The following ESR1 variants were observed in gnomAD, a reference collection of about 807,000 sequenced individuals.
ESR1 encodes the protein estrogen receptor 1.
Under a neutral mutation model 52.7 loss-of-function variants are expected in ESR1, and 12 were observed. The observed-to-expected ratio is 0.23, with a 90% CI of 0.15 to 0.37. The LOEUF (loss-of-function observed/expected upper bound fraction) is 0.37. ESR1 is among the 10% of genes least tolerant of loss of function. The pLI is 1.00. For synonymous variants in ESR1, 305 were observed against 316.8 expected, an observed-to-expected ratio of 0.96 and a Z score of 0.39; for missense variants, 584 against 779.7, an observed-to-expected ratio of 0.75 and a Z score of 2.99.
At chr6:151,947,755 G>A (rs991538063) in intron 4 of ESR1, among the ~76,000 whole-genome samples, 1 of 152,084 alleles carries the variant, frequency 6.6e-6, no homozygotes, top group Non-Finnish European at 1.5e-5. Context: ...AAGTACTTCT[G>A]GTAGACCTGG....
intron 1 of ESR1, among the ~76,000 whole-genome samples, chr6:151,834,699 T>TA (rs957892687): frequency 3.9e-4 from 58 of 147,758 alleles, no homozygotes; most frequent in South Asian, 8.7e-4. Context: ...AAAGTATAAT[T>TA]AAAAAAAAAA....
chr6:151,747,822 T>C (rs1653441406), intron 2 of ESR1, among the ~76,000 whole-genome samples: 1 of 152,208 alleles, frequency 6.6e-6, no homozygotes, highest in South Asian at 2.1e-4. Context: ...ACTTCATTCT[T>C]TTTATTGCCA....
chr6:151,719,019 A>G (rs1781259679), intron 2 of ESR1, among the ~76,000 whole-genome samples: 1 of 152,190 alleles, frequency 6.6e-6, no homozygotes, highest in Admixed American at 6.5e-5. Context: ...CGTCACGTCC[A>G]TGTCATCAGG....
chr6:151,665,723 C>T (rs1777799320), intron 1 of ESR1, among the ~76,000 whole-genome samples: 2 of 152,080 alleles, frequency 1.3e-5, no homozygotes, highest in Admixed American at 6.5e-5. Context: ...AGATGACTTA[C>T]ATACAATGTT....
intron 2 of ESR1, among the ~76,000 whole-genome samples, chr6:151,756,939 G>A (rs1437733774): frequency 1.3e-5 from 2 of 152,120 alleles, no homozygotes; most frequent in South Asian, 2.1e-4. Context: ...GCAGTGAGCC[G>A]GCATTGAGCC....
At chr6:151,678,027 T>G (rs1278407275) in intron 1 of ESR1, among the ~76,000 whole-genome samples, 1 of 152,194 alleles carries the variant, frequency 6.6e-6, no homozygotes, top group African/African-American at 2.4e-5. Context: ...CCTGAGCAAT[T>G]GGCTGTCATG....
intron 1 of ESR1, among the ~76,000 whole-genome samples, chr6:151,684,647 A>G (rs1460469830): frequency 1.3e-5 from 2 of 152,216 alleles, no homozygotes; most frequent in Non-Finnish European, 2.9e-5. Flanking sequence ...TCAGCCCAGG[A>G]ATAAAAATAG....
intron 2 of ESR1, among the ~76,000 whole-genome samples, chr6:151,851,858 G>A (rs1019843559): frequency 6.6e-6 from 1 of 152,032 alleles, no homozygotes; most frequent in Non-Finnish European, 1.5e-5. Flanking sequence ...AGATTAATCT[G>A]GCAGAGGTAT....
chr6:151,768,715 G>A (rs1233074961), intron 2 of ESR1, among the ~76,000 whole-genome samples: 1 of 152,142 alleles, frequency 6.6e-6, no homozygotes, highest in Non-Finnish European at 1.5e-5. Context: ...AATAAAGCAA[G>A]TGTGATAAAA....
In ESR1 at chr6:151,727,432, C is replaced by T. The variant is rs111468032; in HGVS notation, c.-71+25427C>T. Among the ~76,000 whole-genome samples the T allele has an allele frequency of 6.2e-3, 948 of 152,154 alleles. 9 individuals carry two copies. Among genetic ancestry groups the T allele is most frequent in the African/African-American group, 0.021 (881 of 41,496 alleles). ...GGCCAGGCTGATCTTGAACTCCTGA[C>T]GTCAAGTGATCTGCCTGTCTCGGCC... On this transcript the variant is annotated intron_variant, in intron 2 of 2. Transcript: ENST00000404742.
rs2128529392 is a variant in ESR1 at position 151,944,471 on chromosome 6, G to A, written c.1059G>A (p.Glu353=). 1 of 1,614,238 alleles carries A rather than the reference G, an allele frequency of 6.2e-7. No individual in the cohort carries two copies. The highest frequency in any genetic ancestry group is 8.5e-7 in the Non-Finnish European group (1 of 1,180,048). ...MGLLTNLADR[E]LVHMINWAKR... is the part of the protein sequence containing the mutation. The stretch of plus-strand genomic sequence containing the variant: ...TACTGACCAACCTGGCAGACAGGGA[G>A]CTGGTTCACATGATCAACTGGGCGA... The change falls in exon 4 of 8, where the codon GAG becomes GAA. Residue 353 remains glutamate (E), a synonymous_variant. Transcript: ENST00000206249.
intron 1 of ESR1, among the ~76,000 whole-genome samples, chr6:151,822,367 A>T (rs1780704293): frequency 6.6e-6 from 1 of 152,188 alleles, no homozygotes; most frequent in South Asian, 2.1e-4. Flanking sequence ...CTGGTTTTGA[A>T]AATACTGTCA....
chr6:151,884,124 G>A (rs978590451), intron 3 of ESR1, among the ~76,000 whole-genome samples: 1 of 152,096 alleles, frequency 6.6e-6, no homozygotes, highest in Non-Finnish European at 1.5e-5. Flanking sequence ...GTTTTTATAT[G>A]TACATAAGTT....
chr6:151,953,486 G>T (rs2036550010), intron 4 of ESR1, among the ~76,000 whole-genome samples: 1 of 152,104 alleles, frequency 6.6e-6, no homozygotes, highest in South Asian at 2.1e-4. Context: ...ACTTTGGAAG[G>T]CTGAGGTGGG....
chr6:151,845,712 A>C (rs1371461355), intron 2 of ESR1, among the ~76,000 whole-genome samples: 1 of 152,238 alleles, frequency 6.6e-6, no homozygotes, highest in African/African-American at 2.4e-5. Context: ...CTTGTGTATC[A>C]TAGTGTGAAG....
chr6:152,019,931 T>C (rs1441315519), intron 5 of ESR1, among the ~76,000 whole-genome samples: 1 of 152,168 alleles, frequency 6.6e-6, no homozygotes, highest in African/African-American at 2.4e-5. Flanking sequence ...TAGGGCGCTG[T>C]ATGATACTGG....
chr6:151,911,932 G>C (rs979533503), intron 3 of ESR1, among the ~76,000 whole-genome samples: 5 of 152,156 alleles, frequency 3.3e-5, no homozygotes, highest in African/African-American at 1.2e-4. Context: ...TTAATCTACT[G>C]CACGGTCCGG....
chr6:152,017,848 C>A (rs541964536), intron 5 of ESR1, among the ~76,000 whole-genome samples: 2 of 152,036 alleles, frequency 1.3e-5, no homozygotes, highest in Non-Finnish European at 2.9e-5. Flanking sequence ...GTTTTACTGG[C>A]GCCTTCCATG....
chr6:151,966,292 A>G (rs1274843478), intron 4 of ESR1, among the ~76,000 whole-genome samples: 1 of 152,090 alleles, frequency 6.6e-6, no homozygotes, highest in East Asian at 1.9e-4. Context: ...ATCACTTGGC[A>G]TTTTCTTCCG....
Sources: allele counts gnomAD v4.1 joint callset (sites outside exome capture counted in the v4.1 genomes callset), GRCh38; gene constraint gnomAD v4.1.1; transcripts MANE v1.5; gene names NCBI Gene and HGNC (gene_info 2026-07-23, HGNC 2026-07-21).